TANC1: variants seen among roughly 807,000 people sequenced by gnomAD.
The protein encoded by TANC1 is protein TANC1.
Under a neutral mutation model 149.7 loss-of-function variants are expected in TANC1, and 77 were observed. The ratio of observed to expected loss-of-function variants is 0.51; its 90% CI spans 0.43 to 0.62. TANC1 has a LOEUF of 0.62. Among genes scored for constraint, TANC1 ranks in the 20% least tolerant of loss-of-function variants. TANC1 has a pLI of 0.00. For synonymous variants in TANC1, 854 were observed against 925.0 expected, an observed-to-expected ratio of 0.92 and a Z score of 1.39; for missense variants, 1,985 against 2,321.8, an observed-to-expected ratio of 0.85 and a Z score of 2.98.
chr2:159,050,736 G>A (rs2041403086), intron 2 of TANC1, among the ~76,000 whole-genome samples: 1 of 152,318 alleles, frequency 6.6e-6, no homozygotes, highest in Admixed American at 6.5e-5. Context: ...CATTGCTTTT[G>A]TGGTTGGTTG....
At chr2:159,193,724 A>G (rs935520148) in intron 16 of TANC1, among the ~76,000 whole-genome samples, 1 of 151,946 alleles carries the variant, frequency 6.6e-6, no homozygotes, top group Non-Finnish European at 1.5e-5. Flanking sequence ...GGGTTTCACC[A>G]TGTTGGCCAG....
At chr2:158,993,924 A>G (rs1430648915) in intron 1 of TANC1, among the ~76,000 whole-genome samples, 1 of 152,218 alleles carries the variant, frequency 6.6e-6, no homozygotes, top group Non-Finnish European at 1.5e-5. Context: ...GCCAATATCT[A>G]CAGTGTTCAT....
chr2:159,118,267 G>A (rs1395480220), intron 4 of TANC1, among the ~76,000 whole-genome samples: 3 of 152,154 alleles, frequency 2.0e-5, no homozygotes, highest in Non-Finnish European at 4.4e-5. Context: ...TGCTGTATGT[G>A]GAGTGTGCTG....
At position 159,026,648 on chromosome 2, in the gene TANC1, G is replaced by T. The variant is rs141117572; in HGVS notation, c.-16+25459G>T. 1.1e-3 allele frequency among the ~76,000 whole-genome samples: 167 copies of T among 152,270 alleles called. 1 individual carries two copies. Among genetic ancestry groups the T allele is most frequent in the African/African-American group, 3.8e-3 (159 of 41,554 alleles). ...GGACTCTCTATAGAGTCCTAAGGTG[G>T]CTCAGAGTATCCTGAGCCTGGTACA... On this transcript the variant is annotated intron_variant, in intron 2 of 26. Coordinates refer to ENST00000263635, the MANE Select transcript of TANC1 (RefSeq NM_033394.3).
intron 1 of TANC1, among the ~76,000 whole-genome samples, chr2:158,977,362 G>A (rs1340588688): frequency 1.3e-5 from 2 of 151,960 alleles, no homozygotes; most frequent in Non-Finnish European, 2.9e-5. Flanking sequence ...CCAGGTTGGA[G>A]TGCAGTGGTG....
chr2:159,206,926 A>G (rs1349530834), intron 19 of TANC1, among the ~76,000 whole-genome samples: 1 of 152,180 alleles, frequency 6.6e-6, no homozygotes, highest in Admixed American at 6.5e-5. Flanking sequence ...TTCTCAGCAC[A>G]CTTTAGAAGT....
chr2:159,043,649 A>G (rs1209899408), intron 2 of TANC1, among the ~76,000 whole-genome samples: 2 of 152,202 alleles, frequency 1.3e-5, no homozygotes, highest in African/African-American at 4.8e-5. Flanking sequence ...TGTCTAGCAC[A>G]GTACTTTTCC....
intron 4 of TANC1, among the ~76,000 whole-genome samples, chr2:159,105,591 A>G (rs1471419730): frequency 6.6e-6 from 1 of 152,182 alleles, no homozygotes; most frequent in Admixed American, 6.5e-5. Context: ...GAGTCCCTCT[A>G]TACCCCGCAA....
chr2:158,998,772 C>G (rs6754032), intron 1 of TANC1, among the ~76,000 whole-genome samples: 8,057 of 152,210 alleles, frequency 0.053, 673 homozygotes, highest in African/African-American at 0.18. Flanking sequence ...CAGAACTGAG[C>G]TACTAAAGTT....
intron 2 of TANC1, among the ~76,000 whole-genome samples, chr2:159,032,040 T>C (rs1457027072): frequency 1.3e-5 from 2 of 152,222 alleles, no homozygotes; most frequent in Non-Finnish European, 2.9e-5. Context: ...CCTAAGGTCA[T>C]ATGGCCCTGG....
chr2:159,141,258 C>T (rs1354031307), intron 5 of TANC1, among the ~76,000 whole-genome samples: 1 of 152,174 alleles, frequency 6.6e-6, no homozygotes, highest in Non-Finnish European at 1.5e-5. Context: ...CAAACAAGCT[C>T]CCTCATTTAT....
chr2:159,164,551 G>T (rs1030913545), intron 8 of TANC1, among the ~76,000 whole-genome samples: 1 of 152,138 alleles, frequency 6.6e-6, no homozygotes. Context: ...TGTTTTTAAG[G>T]TTTCTAGTTT....
intron 1 of TANC1, among the ~76,000 whole-genome samples, chr2:158,980,398 C>T (rs1349138586): frequency 3.9e-5 from 6 of 151,954 alleles, no homozygotes; most frequent in African/African-American, 1.5e-4. Context: ...GCCTGACTAA[C>T]TTTGCTATGC....
At chr2:159,189,879 A>G (rs2057310725) in intron 16 of TANC1, among the ~76,000 whole-genome samples, 1 of 152,228 alleles carries the variant, frequency 6.6e-6, no homozygotes. Context: ...TTCAGTGTGC[A>G]TCAAGGTTAA....
At chr2:159,225,956 C>A in intron 24 of TANC1, 177 bp downstream of exon 24, 1 of 644,962 alleles carries the variant, frequency 1.6e-6, no homozygotes, top group Non-Finnish European at 2.8e-6. Flanking sequence ...CCGAGGTGGG[C>A]AGATCACTTG....
At position 159,168,701 on chromosome 2, in the gene TANC1, C is replaced by T. The variant is rs116396397; in HGVS notation, c.947-549C>T. Among the ~76,000 whole-genome samples the T allele has an allele frequency of 5.5e-3, 834 of 151,648 alleles. 11 individuals are homozygous for T. The highest frequency in any genetic ancestry group is 0.019 in the African/African-American group (778 of 41,290). On this transcript the variant is annotated intron_variant, in intron 8 of 26. Transcript: ENST00000263635. The stretch of plus-strand genomic sequence containing the variant: ...TTATAATAAAAAACACCAAAAAATG[C>T]GGTATGATATAGAATGTGTATATAA...
At chr2:158,998,837 A>G (rs573470553) in intron 1 of TANC1, among the ~76,000 whole-genome samples, 5 of 152,310 alleles carry the variant, frequency 3.3e-5, no homozygotes, top group Non-Finnish European at 7.4e-5. Flanking sequence ...GGCCTGCCTC[A>G]CCATGCCATT....
At chr2:159,026,221 C>T (rs1041850571) in intron 2 of TANC1, among the ~76,000 whole-genome samples, 1 of 152,234 alleles carries the variant, frequency 6.6e-6, no homozygotes, top group Non-Finnish European at 1.5e-5. Context: ...ATGTGAGCCA[C>T]TGTGTCTGGC....
At chr2:159,055,402 G>C (rs2041778403) in intron 2 of TANC1, among the ~76,000 whole-genome samples, 1 of 152,188 alleles carries the variant, frequency 6.6e-6, no homozygotes, top group Non-Finnish European at 1.5e-5. Context: ...TTTGAGGCGT[G>C]TATTCTGTGC....
Sources: gnomAD v4.1 joint callset for allele counts (sites outside exome capture counted in the v4.1 genomes callset) on GRCh38, gnomAD v4.1.1 for gene constraint, MANE v1.5 for transcripts, NCBI Gene and HGNC (gene_info 2026-07-23, HGNC 2026-07-21) for gene names.